Variants in ARHGEF1 observed in about 807,000 individuals in gnomAD.
ARHGEF1 encodes Rho guanine nucleotide exchange factor 1, also known as 115 kDa guanine nucleotide exchange factor.
In ARHGEF1, 40 loss-of-function variants were observed where a neutral mutation model predicts 119.7. The observed-to-expected ratio is 0.33, with a 90% CI of 0.26 to 0.44. The LOEUF is 0.44. Among genes scored for constraint, ARHGEF1 ranks in the 20% least tolerant of loss-of-function variants. The pLI is 1.00. For missense variants in ARHGEF1, 976 were observed against 1,268.3 expected, an observed-to-expected ratio of 0.77 and a Z score of 3.50; for synonymous variants, 494 against 521.0, an observed-to-expected ratio of 0.95 and a Z score of 0.71.
At chr19:41,909,926 C>T, downstream of ARHGEF1, 3 of 1,613,838 alleles carry the variant, frequency 1.9e-6, no homozygotes, top group East Asian at 2.2e-5. This position sits in a 1 kb window ranked among gnomAD's most constrained non-coding sequence, Gnocchi z 5.2. Context: ...ACCCCACAGC[C>T]GGGCCACCTC....
chr19:41,906,163 C>A lies in ARHGEF1; in HGVS notation c.2491+138C>A. 1.2e-6 allele frequency: 1 copy of A among 818,912 alleles called. No individual in the cohort carries two copies. Among genetic ancestry groups the A allele is most frequent in the Non-Finnish European group, 1.9e-6 (1 of 513,688 alleles). The allele number at this position is 818,912 out of a possible 1,614,324, so 50.7% of individuals were successfully genotyped here. The stretch of plus-strand genomic sequence containing the variant: ...AAATGCTCCAAACCCACCCAGCCTG[C>A]ACCACTGTCCTGGGTGCCCACGTCC... On this transcript the variant is annotated intron_variant, in intron 26 of 28. Coordinates refer to ENST00000354532, the MANE Select transcript of ARHGEF1 (RefSeq NM_004706.4). This position sits in a 1 kb window ranked among gnomAD's most constrained non-coding sequence, Gnocchi z 4.5.
intron 1 of ARHGEF1, chr19:41,923,297 G>A: frequency 5.1e-6 from 2 of 393,252 alleles, no homozygotes; most frequent in South Asian, 3.7e-5. Context: ...GCCAGAGACA[G>A]AAAAGGAGGA....
rs558882193 is a variant in ARHGEF1, at chr19:41,893,233, G to T, written c.615-41G>T. 3.7e-6 allele frequency: 6 copies of T among 1,611,798 alleles called. No individual in the cohort carries two copies. In the African/African-American group the frequency reaches 8.0e-5, roughly 22 times the overall value. Reference sequence around the variant, plus strand: ...TATCCTGGGTGGATGGGGACCCCAGGCCTAGCAAATATGTCACAAACATCT... The same window carrying T: ...TATCCTGGGTGGATGGGGACCCCAGTCCTAGCAAATATGTCACAAACATCT... On this transcript the variant is annotated intron_variant, in intron 7 of 28. Transcript: ENST00000354532.
chr19:41,898,077 C>T (rs1272970369), intron 13 of ARHGEF1: 9 of 1,353,596 alleles, frequency 6.6e-6, no homozygotes, highest in African/African-American at 3.0e-5. Flanking sequence ...GACCCCAGTT[C>T]CGCCACGGCA....
At chr19:41,908,479 G>A (rs2074732048), downstream of ARHGEF1, 1 of 1,231,468 alleles carries the variant, frequency 8.1e-7, no homozygotes, top group Non-Finnish European at 1.0e-6. The surrounding 1 kb of genome is among the most constrained non-coding windows in gnomAD (Gnocchi z 6.7). Flanking sequence ...GTGGCTGTGG[G>A]GCCTCCCCCT....
chr19:41,899,748 C>T (rs1414010729), intron 14 of ARHGEF1, among the ~76,000 whole-genome samples: 1 of 152,066 alleles, frequency 6.6e-6, no homozygotes, highest in South Asian at 2.1e-4. Flanking sequence ...CCTCAGCCTC[C>T]CAAAGTGCTG....
At chr19:41,913,633 T>C (rs1426623080) in intron 18 of ARHGEF1, among the ~76,000 whole-genome samples, 4 of 151,422 alleles carry the variant, frequency 2.6e-5, no homozygotes, top group Admixed American at 2.6e-4. Context: ...CCCTGTCACT[T>C]GGATCTGCCT....
At position 41,888,653 on chromosome 19, in the gene ARHGEF1, C is replaced by A; in HGVS notation, c.112-99C>A. 1 of 1,163,130 alleles carries A rather than the reference C, an allele frequency of 8.6e-7. No homozygotes were observed. The highest frequency in any genetic ancestry group is 1.3e-6 in the Non-Finnish European group (1 of 796,324). 72.1% of individuals were successfully genotyped at this position (1,163,130 alleles called of 1,614,324 possible). A position where few individuals can be genotyped will look rare whatever the true frequency, so the allele number is the denominator to read the frequency against. ...CACTCCCCACTTCCCAGGAGCTAAC[C>A]CTGGCTTGGATCCCTTGTGAAGTGC... On this transcript the variant is annotated intron_variant, in intron 3 of 28. Coordinates refer to ENST00000354532, the MANE Select transcript of ARHGEF1 (RefSeq NM_004706.4). The surrounding 1 kb of genome is among the most constrained non-coding windows in gnomAD (Gnocchi z 5.1).
rs375701795 is a variant in ARHGEF1, at chr19:41,905,242, C to T, written c.2317C>T (p.Pro773Ser). 2.0e-4 allele frequency: 327 copies of T among 1,613,598 alleles called. No individual in the cohort carries two copies. Among genetic ancestry groups the T allele is most frequent in the Non-Finnish European group, 2.6e-4 (310 of 1,179,864 alleles). Residue 773 changes from proline (P) to serine (S), a missense_variant, in exon 24 of 29, where the codon CCC (proline) becomes TCC (serine). Physicochemically the swap from Pro to Ser is moderately conservative, Grantham distance 74. Transcript: ENST00000354532. This position sits in a 1 kb window ranked among gnomAD's most constrained non-coding sequence, Gnocchi z 6.4. Reference sequence around the variant, plus strand: ...CCCTGCCCCTGCCTCTCGCCCTAAGCCCCGGCCCAGCCCGAGCAGGTGAGG... The same window carrying T: ...CCCTGCCCCTGCCTCTCGCCCTAAGTCCCGGCCCAGCCCGAGCAGGTGAGG... ...KVPAPASRPK[P>S]RPSPSSTREP...
rs2074663599 is a variant in ARHGEF1 at position 41,904,790 on chromosome 19, A to G, written c.2162-159A>G. On this transcript the variant is annotated intron_variant, in intron 22 of 28. Coordinates refer to ENST00000354532, the MANE Select transcript of ARHGEF1 (RefSeq NM_004706.4). This position sits in a 1 kb window ranked among gnomAD's most constrained non-coding sequence, Gnocchi z 8.4. ...TGTGAGAGGTGGGGCTCAGGAGGACACATCGGGCCCTGGATATTAGCAGAC... is the reference window on the plus strand; with the variant it reads ...TGTGAGAGGTGGGGCTCAGGAGGACGCATCGGGCCCTGGATATTAGCAGAC... 6.6e-6 allele frequency among the ~76,000 whole-genome samples: 1 copy of G among 152,132 alleles called. No individual in the cohort carries two copies. Among genetic ancestry groups the G allele is most frequent in the Non-Finnish European group, 1.5e-5 (1 of 68,022 alleles).
chr19:41,886,645 T>C (rs1424585074), intron 1 of ARHGEF1, among the ~76,000 whole-genome samples: 2 of 152,262 alleles, frequency 1.3e-5, no homozygotes, highest in African/African-American at 4.8e-5. Flanking sequence ...CAAGCTTAGA[T>C]ATTGGACAAT....
Position 41,892,356 on chromosome 19 carries a change from A to C in ARHGEF1, c.350A>C (p.Asn117Thr), listed in dbSNP as rs1251612049. Residue 117 changes from asparagine (N) to threonine (T), a missense_variant, in exon 6 of 29, where the codon AAC becomes ACC. Physicochemically the swap from Asn to Thr is moderately conservative, Grantham distance 65. This residue lies in a region of ARHGEF1 where 519 missense variants were observed against 580.9 expected (regional missense o/e 0.89). Transcript: ENST00000354532. This position sits in a 1 kb window ranked among gnomAD's most constrained non-coding sequence, Gnocchi z 6.3. ...TAVLRVPVPP[N>T]VAFELDRTRA... The stretch of plus-strand genomic sequence containing the variant: ...GTTCTCCGGGTGCCGGTCCCTCCCA[A>C]CGTCGCCTTTGAACTTGGTAAGGAG... 1 of 1,613,858 alleles carries C rather than the reference A, an allele frequency of 6.2e-7. No homozygotes were observed. Among genetic ancestry groups the C allele is most frequent in the Non-Finnish European group, 8.5e-7 (1 of 1,179,986 alleles).
downstream of ARHGEF1, chr19:41,908,559 G>T: frequency 8.1e-7 from 1 of 1,231,866 alleles, no homozygotes; most frequent in Non-Finnish European, 1.0e-6. The surrounding 1 kb of genome is among the most constrained non-coding windows in gnomAD (Gnocchi z 6.7). Context: ...GGGGTAGAGA[G>T]AGGGAGGCAG....
chr19:41,895,236 G>T, intron 11 of ARHGEF1, 113 bp from the exon 12 acceptor site: 1 of 1,376,862 alleles, frequency 7.3e-7, no homozygotes, highest in Non-Finnish European at 9.9e-7. Context: ...GGAGGAAGGG[G>T]CTCCTTGTCA....
At chr19:41,914,675 CTT>C (rs2074781964) in intron 18 of ARHGEF1, among the ~76,000 whole-genome samples, 1 of 15,872 alleles carries the variant, frequency 6.3e-5, no homozygotes. Context: ...TCTCCCTCCC[CTT>C]CCACCATCTC....
At chr19:41,899,939 G>C (rs999370961) in intron 14 of ARHGEF1, among the ~76,000 whole-genome samples, 1 of 150,974 alleles carries the variant, frequency 6.6e-6, no homozygotes, top group Non-Finnish European at 1.5e-5. Flanking sequence ...AAAAAAACAT[G>C]AGCCATGTGC....
Position 41,917,563 on chromosome 19 carries a change from C to A in ARHGEF1, c.1866-5529C>A, listed in dbSNP as rs1282512003. On this transcript the variant is annotated intron_variant, in intron 18 of 20. Coordinates refer to the ARHGEF1 transcript ENST00000599589. The surrounding 1 kb of genome is among the most constrained non-coding windows in gnomAD (Gnocchi z 4.8). ...TTTAAATTTCATATCTTCTCCGGGG[C>A]TCTGTCTAAAGAGGAGAGAGACGCG... is the stretch of plus-strand genomic sequence containing the variant. 6.6e-6 allele frequency among the ~76,000 whole-genome samples: 1 copy of A among 150,938 alleles called. No individual in the cohort carries two copies. Among genetic ancestry groups the A allele is most frequent in the Non-Finnish European group, 1.5e-5 (1 of 67,786 alleles).
chr19:41,910,497 A>T (rs887333515), downstream of ARHGEF1, among the ~76,000 whole-genome samples: 6 of 151,914 alleles, frequency 3.9e-5, no homozygotes, highest in Non-Finnish European at 8.8e-5. The surrounding 1 kb of genome is among the most constrained non-coding windows in gnomAD (Gnocchi z 4.4). Flanking sequence ...AGTCTCTTGT[A>T]CCCTGCGGTG....
intron 4 of ARHGEF1, 74 bp from the exon 5 acceptor site, chr19:41,891,950 AG>A: frequency 7.8e-7 from 1 of 1,284,058 alleles, no homozygotes; most frequent in East Asian, 2.4e-5. Flanking sequence ...GAGGTGAGGA[AG>A]GCCCTTTTCA....
Sources: allele counts gnomAD v4.1 joint callset (sites outside exome capture counted in the v4.1 genomes callset), GRCh38; gene constraint gnomAD v4.1.1; regional missense constraint gnomAD v4.1.1; non-coding constraint Gnocchi (gnomAD v3.1); transcripts MANE v1.5; gene names NCBI Gene and HGNC (gene_info 2026-07-23, HGNC 2026-07-21).